Variants in ZC3HAV1 observed in about 807,000 individuals in gnomAD.
ZC3HAV1 encodes zinc finger CCCH-type antiviral protein 1.
A neutral mutation model predicts 86.6 loss-of-function variants in ZC3HAV1; 41 were observed. The ratio of observed to expected loss-of-function variants is 0.47; its 90% CI spans 0.37 to 0.61. ZC3HAV1 has a LOEUF of 0.61. Ranked by LOEUF, ZC3HAV1 falls within the 20% of genes least tolerant of loss-of-function variation. ZC3HAV1 has a pLI of 0.00. For synonymous variants in ZC3HAV1, 421 were observed against 432.1 expected, an observed-to-expected ratio of 0.97 and a Z score of 0.32; for missense variants, 964 against 1,141.1, an observed-to-expected ratio of 0.84 and a Z score of 2.24.
intron 1 of ZC3HAV1, among the ~76,000 whole-genome samples, chr7:139,104,721 C>CAAAAA (rs1157897700): frequency 6.8e-4 from 13 of 19,240 alleles, no homozygotes; most frequent in East Asian, 3.9e-3. Context: ...GACTCTGTCA[C>CAAAAA]AAAAAAAAAA....
intron 1 of ZC3HAV1, among the ~76,000 whole-genome samples, chr7:139,101,493 C>T (rs1817767563): frequency 1.7e-4 from 17 of 102,268 alleles, no homozygotes; most frequent in East Asian, 7.8e-4. Context: ...AGCCCGGCCA[C>T]CACCCCGTCT....
rs1304151683 is a variant in ZC3HAV1, at chr7:139,109,202, CCACCTGCAG to C, written c.121_129del (p.Leu41_Val43del). 1 of 1,607,922 alleles carries C rather than the reference CCACCTGCAG, an allele frequency of 6.2e-7. No homozygotes were observed. The highest frequency in any genetic ancestry group is 1.1e-5 in the South Asian group (1 of 90,084). ...AACACCACAAAGCGGTCGGGCCCGG[CCACCTGCAG>C]CACCTCACAGAGCTGCGGCTCAGAC... On this transcript the variant is annotated inframe_deletion, in exon 1 of 13. Transcript: ENST00000242351.
At position 139,079,622 on chromosome 7, in the gene ZC3HAV1, G is replaced by C; in HGVS notation, c.1319C>G (p.Thr440Ser). The change falls in exon 4 of 13, where the codon ACT (threonine) becomes AGT (serine). Residue 440 changes from threonine to serine, a missense_variant. Transcript: ENST00000242351. ...TTTGTAATTTAAGGATCTGGTAGAA[G>C]TTATATCTGTGGCCACTCCATCAGC... is the stretch of plus-strand genomic sequence containing the variant. ...NNADGVATDI[T>S]STRSLNYKST... 1 of 1,614,160 alleles carries C rather than the reference G, an allele frequency of 6.2e-7. No homozygotes were observed. Among genetic ancestry groups the C allele is most frequent in the Non-Finnish European group, 8.5e-7 (1 of 1,180,034 alleles).
intron 7 of ZC3HAV1, among the ~76,000 whole-genome samples, chr7:139,068,011 A>T (rs941777989): frequency 7.0e-6 from 1 of 143,438 alleles, no homozygotes; most frequent in Admixed American, 7.2e-5. Flanking sequence ...TATAGGGAGG[A>T]CCTCTTTCTT....
intron 3 of ZC3HAV1, among the ~76,000 whole-genome samples, chr7:139,082,755 T>C (rs181018285): frequency 1.3e-5 from 2 of 152,320 alleles, no homozygotes; most frequent in Admixed American, 6.5e-5. Context: ...ATTCCACTTA[T>C]ATGAAGTACC....
chr7:139,094,457 C>T (rs1350868765), intron 1 of ZC3HAV1, among the ~76,000 whole-genome samples: 1 of 149,198 alleles, frequency 6.7e-6, no homozygotes, highest in Admixed American at 6.7e-5. Flanking sequence ...GCAGATAAAC[C>T]TCAAACAAAG....
intron 1 of ZC3HAV1, among the ~76,000 whole-genome samples, chr7:139,101,652 G>A (rs1466576983): frequency 6.7e-6 from 1 of 150,084 alleles, no homozygotes; most frequent in Non-Finnish European, 1.5e-5. Flanking sequence ...ACTTCATTTT[G>A]TTCTGTACTA....
At chr7:139,094,967 CA>C (rs1479837733) in intron 1 of ZC3HAV1, among the ~76,000 whole-genome samples, 2 of 150,986 alleles carry the variant, frequency 1.3e-5, no homozygotes, top group East Asian at 3.9e-4. Context: ...CAAAAAGAGA[CA>C]GTAACCCGAG....
intron 1 of ZC3HAV1, among the ~76,000 whole-genome samples, chr7:139,097,978 G>A (rs575869105): frequency 4.0e-5 from 6 of 150,660 alleles, no homozygotes; most frequent in South Asian, 2.1e-4. Context: ...GGAGTCTCAC[G>A]CTGTCGCCCA....
intron 1 of ZC3HAV1, among the ~76,000 whole-genome samples, chr7:139,097,438 T>A (rs1327244225): frequency 8.1e-5 from 9 of 111,018 alleles, no homozygotes; most frequent in African/African-American, 1.2e-4. Context: ...ATTTTTTTTT[T>A]TTTTTTTTTT....
At chr7:139,078,730 G>A in intron 4 of ZC3HAV1, 77 bp from the exon 5 acceptor site, 1 of 1,078,758 alleles carries the variant, frequency 9.3e-7, no homozygotes, top group Non-Finnish European at 1.3e-6. Flanking sequence ...TCTCACAATG[G>A]GAAAGAATAT....
In ZC3HAV1 at chr7:139,048,112, G is replaced by A. The variant is rs554580162; in HGVS notation, c.2450-259C>T. On this transcript the variant is annotated intron_variant, in intron 12 of 12. Coordinates refer to ENST00000242351, the MANE Select transcript of ZC3HAV1 (RefSeq NM_020119.4). The stretch of plus-strand genomic sequence containing the variant: ...ATGCTGATAGTGTGAGCCATTGGGT[G>A]CAATGACCAAATGACAATGTCACAG... 1.5e-3 allele frequency among the ~76,000 whole-genome samples: 225 copies of A among 152,304 alleles called. 1 individual carries two copies. Among genetic ancestry groups the A allele is most frequent in the African/African-American group, 5.1e-3 (211 of 41,570 alleles).
At chr7:139,076,155 C>A in intron 6 of ZC3HAV1, 131 bp downstream of exon 6, 1 of 1,429,376 alleles carries the variant, frequency 7.0e-7, no homozygotes. Flanking sequence ...TTTTTTATCT[C>A]AAGAGGTATT....
intron 7 of ZC3HAV1, among the ~76,000 whole-genome samples, chr7:139,070,549 A>G (rs1027308413): frequency 6.6e-6 from 1 of 150,742 alleles, no homozygotes; most frequent in Non-Finnish European, 1.5e-5. Context: ...CTGTAGTCCC[A>G]GCTATTTGGG....
intron 5 of ZC3HAV1, 56 bp from the exon 6 acceptor site, chr7:139,076,465 C>A: frequency 1.2e-6 from 2 of 1,601,358 alleles, no homozygotes; most frequent in South Asian, 2.2e-5. Context: ...CTAACCAATT[C>A]AGTCAAGTTC....
intron 5 of ZC3HAV1, among the ~76,000 whole-genome samples, chr7:139,077,898 C>T (rs960834907): frequency 6.6e-6 from 1 of 152,154 alleles, no homozygotes; most frequent in African/African-American, 2.4e-5. Flanking sequence ...AGTACACAAC[C>T]ACTCATTATA....
chr7:139,048,231 C>A (rs1816017649), intron 12 of ZC3HAV1, among the ~76,000 whole-genome samples: 1 of 152,160 alleles, frequency 6.6e-6, no homozygotes. Context: ...TCTAAAACAA[C>A]CTCAGATAAC....
Position 139,076,307 on chromosome 7 carries a change from T to C in ZC3HAV1, c.1676A>G (p.Tyr559Cys). ...FEHMETIEKG[Y>C]CNPGIHLCSV... ...TTACAGGTGGATTCCGGGGTTACAG[T>C]AGCCTTTCTCGATCGTCTCCATGTG... The change falls in exon 6 of 13, where the codon TAC becomes TGC. Residue 559 changes from tyrosine (Y) to cysteine (C), a missense_variant. Physicochemically the swap from Tyr to Cys is radical, Grantham distance 194. Transcript: ENST00000242351. 1 of 1,614,158 alleles carries C rather than the reference T, an allele frequency of 6.2e-7. No individual in the cohort carries two copies. The highest frequency in any genetic ancestry group is 1.3e-5 in the African/African-American group (1 of 75,044).
At chr7:139,100,451 G>C (rs1021876100) in intron 1 of ZC3HAV1, among the ~76,000 whole-genome samples, 1 of 151,574 alleles carries the variant, frequency 6.6e-6, no homozygotes, top group Non-Finnish European at 1.5e-5. Context: ...GCAGAATGGC[G>C]TGAACCCAGG....
Sources: allele counts gnomAD v4.1 joint callset (sites outside exome capture counted in the v4.1 genomes callset), GRCh38; gene constraint gnomAD v4.1.1; transcripts MANE v1.5; gene names NCBI Gene and HGNC (gene_info 2026-07-23, HGNC 2026-07-21).